ARHGAP10: variants seen among roughly 807,000 people sequenced by gnomAD.
The protein encoded by ARHGAP10 is rho GTPase-activating protein 10.
A neutral mutation model predicts 108.6 loss-of-function variants in ARHGAP10; 87 were observed. That is an observed-to-expected ratio of 0.80 (90% CI 0.67 to 0.96). The LOEUF is 0.96. ARHGAP10 is among the 40% of genes least tolerant of loss of function. The pLI is 0.00. For synonymous variants in ARHGAP10, 347 were observed against 341.1 expected (o/e 1.02, Z -0.19); for missense variants, 939 against 954.5 (o/e 0.98, Z 0.21).
intron 19 of ARHGAP10, among the ~76,000 whole-genome samples, chr4:148,024,924 G>A (rs1360948988): frequency 2.6e-5 from 4 of 152,304 alleles, no homozygotes; most frequent in South Asian, 4.1e-4. Flanking sequence ...TACCTCAAAT[G>A]GCTCATTGGC....
intron 22 of ARHGAP10, chr4:148,065,420 A>T (rs1424680499): frequency 2.0e-5 from 3 of 152,226 alleles, no homozygotes; most frequent in Admixed American, 1.3e-4. Context: ...TATGCGTGTG[A>T]TATGTACTCT....
intron 1 of ARHGAP10, among the ~76,000 whole-genome samples, chr4:147,756,923 C>T (rs1182174628): frequency 3.4e-5 from 5 of 149,004 alleles, no homozygotes; most frequent in Non-Finnish European, 7.4e-5. Flanking sequence ...GAGGGAAGGG[C>T]ATTCATGAAT....
At chr4:147,883,726 C>CT (rs756808125) in intron 10 of ARHGAP10, among the ~76,000 whole-genome samples, 11 of 151,926 alleles carry the variant, frequency 7.2e-5, no homozygotes, top group Non-Finnish European at 1.6e-4. Flanking sequence ...ACGAGTCTCA[C>CT]TTTTTTTGCC....
At chr4:148,019,839 G>T (rs1741495540) in intron 18 of ARHGAP10, among the ~76,000 whole-genome samples, 1 of 152,094 alleles carries the variant, frequency 6.6e-6, no homozygotes, top group South Asian at 2.1e-4. Context: ...TAAAAGCCAG[G>T]ATAGTGCTGT....
intron 1 of ARHGAP10, among the ~76,000 whole-genome samples, chr4:147,762,639 C>G (rs1469679026): frequency 2.0e-5 from 3 of 151,888 alleles, no homozygotes; most frequent in African/African-American, 4.8e-5. Context: ...ACGCCATTCT[C>G]CTGCCTCAGC....
intron 18 of ARHGAP10, among the ~76,000 whole-genome samples, chr4:148,001,502 G>T (rs1460363742): frequency 1.3e-5 from 2 of 152,078 alleles, no homozygotes; most frequent in East Asian, 3.8e-4. Flanking sequence ...AATTACCTTG[G>T]GTGGTATGGC....
intron 1 of ARHGAP10, among the ~76,000 whole-genome samples, chr4:147,814,469 G>A (rs1036650020): frequency 6.6e-6 from 1 of 152,098 alleles, no homozygotes; most frequent in Non-Finnish European, 1.5e-5. Flanking sequence ...TTTGTTAAGC[G>A]AGATGAACAC....
intron 18 of ARHGAP10, among the ~76,000 whole-genome samples, chr4:147,979,920 A>G (rs1260834754): frequency 6.6e-6 from 1 of 152,212 alleles, no homozygotes; most frequent in East Asian, 1.9e-4. Flanking sequence ...GTTGTTAATC[A>G]GATCTAGTAG....
At chr4:148,021,972 A>G (rs1331994144) in intron 18 of ARHGAP10, among the ~76,000 whole-genome samples, 2 of 152,256 alleles carry the variant, frequency 1.3e-5, no homozygotes, top group East Asian at 3.9e-4. Context: ...GCTTATTTTT[A>G]TTGGTATATA....
chr4:147,838,909 A>G (rs547952878), intron 3 of ARHGAP10, among the ~76,000 whole-genome samples: 1 of 152,284 alleles, frequency 6.6e-6, no homozygotes, highest in East Asian at 1.9e-4. Context: ...TGTAATCTCT[A>G]AGTATCTGAA....
At chr4:147,904,802 G>A (rs937806439) in intron 10 of ARHGAP10, among the ~76,000 whole-genome samples, 2 of 152,124 alleles carry the variant, frequency 1.3e-5, no homozygotes, top group South Asian at 2.1e-4. Flanking sequence ...CTGAGGAATC[G>A]CCACACTGAC....
chr4:147,848,675 A>G (rs1385719081), intron 4 of ARHGAP10, among the ~76,000 whole-genome samples: 1 of 152,188 alleles, frequency 6.6e-6, no homozygotes, highest in Non-Finnish European at 1.5e-5. Context: ...ATGGTGCTAT[A>G]TGTGTGACGG....
chr4:148,021,702 T>C (rs972891645), intron 18 of ARHGAP10, among the ~76,000 whole-genome samples: 6 of 152,208 alleles, frequency 3.9e-5, no homozygotes, highest in African/African-American at 1.4e-4. Flanking sequence ...CAATGACAGA[T>C]GACAGTAAAT....
chr4:148,002,856 A>G (rs1740783458), intron 18 of ARHGAP10, among the ~76,000 whole-genome samples: 1 of 152,132 alleles, frequency 6.6e-6, no homozygotes. Flanking sequence ...GATCTTTTCA[A>G]AAAACCAGCT....
chr4:147,744,102 C>T (rs1472588533), intron 1 of ARHGAP10, among the ~76,000 whole-genome samples: 1 of 152,142 alleles, frequency 6.6e-6, no homozygotes, highest in African/African-American at 2.4e-5. Flanking sequence ...ATTTAAAAAG[C>T]AATTACATTC....
chr4:147,901,823 C>T (rs1186604481), intron 10 of ARHGAP10, among the ~76,000 whole-genome samples: 1 of 152,246 alleles, frequency 6.6e-6, no homozygotes, highest in South Asian at 2.1e-4. Flanking sequence ...ATTTGCTGCT[C>T]TATGTGTAAC....
intron 19 of ARHGAP10, among the ~76,000 whole-genome samples, chr4:148,028,454 G>A (rs369723520): frequency 7.9e-5 from 12 of 152,254 alleles, no homozygotes; most frequent in African/African-American, 2.9e-4. Flanking sequence ...TACAAAATCA[G>A]GGTAATAATA....
chr4:147,952,241 T>G (rs1738631898), intron 15 of ARHGAP10, among the ~76,000 whole-genome samples: 1 of 152,194 alleles, frequency 6.6e-6, no homozygotes, highest in South Asian at 2.1e-4. Flanking sequence ...TATATTTGAG[T>G]GGACGCAGGC....
intron 10 of ARHGAP10, among the ~76,000 whole-genome samples, chr4:147,897,267 A>G (rs942557062): frequency 6.6e-6 from 1 of 151,054 alleles, no homozygotes; most frequent in African/African-American, 2.4e-5. Context: ...TTATTTTATT[A>G]TTATTACTAT....
Sources: allele counts gnomAD v4.1 joint callset (sites outside exome capture counted in the v4.1 genomes callset), GRCh38; gene constraint gnomAD v4.1.1; transcripts MANE v1.5; gene names NCBI Gene and HGNC (gene_info 2026-07-23, HGNC 2026-07-21).